MTSS1: variants seen among roughly 807,000 people sequenced by gnomAD.
MTSS1 encodes protein MTSS 1.
Under a neutral mutation model 79.0 loss-of-function variants are expected in MTSS1, and 18 were observed. The ratio of observed to expected loss-of-function variants is 0.23; its 90% confidence interval spans 0.16 to 0.34. The LOEUF is 0.34. Ranked by LOEUF, MTSS1 falls within the 10% of genes least tolerant of loss-of-function variation. MTSS1 has a pLI of 1.00. For synonymous variants in MTSS1, 341 were observed against 368.6 expected, an observed-to-expected ratio of 0.93 and a Z score of 0.86; for missense variants, 815 against 986.2, an observed-to-expected ratio of 0.83 and a Z score of 2.33.
chr8:124,650,529 C>G (rs1257348262), intron 3 of MTSS1, among the ~76,000 whole-genome samples: 4 of 152,004 alleles, frequency 2.6e-5, no homozygotes, highest in African/African-American at 9.7e-5. Context: ...GTTTCCTCGC[C>G]CTTCTCTCCG....
intron 6 of MTSS1, among the ~76,000 whole-genome samples, chr8:124,575,907 G>A (rs950787875): frequency 6.6e-6 from 1 of 152,120 alleles, no homozygotes; most frequent in Non-Finnish European, 1.5e-5. Context: ...ACCGGATCCA[G>A]AAATTTACCA....
At chr8:124,640,301 G>T (rs1817785582) in intron 3 of MTSS1, among the ~76,000 whole-genome samples, 1 of 152,150 alleles carries the variant, frequency 6.6e-6, no homozygotes. Context: ...AAAAAGTCGG[G>T]GTAGGAAAGG....
chr8:124,648,664 C>T (rs1819401140), intron 3 of MTSS1, among the ~76,000 whole-genome samples: 1 of 152,112 alleles, frequency 6.6e-6, no homozygotes, highest in Non-Finnish European at 1.5e-5. Context: ...CTACTCTCTC[C>T]TCTCAGGCTC....
chr8:124,603,803 T>C (rs990847686), intron 3 of MTSS1, among the ~76,000 whole-genome samples: 1 of 152,222 alleles, frequency 6.6e-6, no homozygotes. Context: ...TGATACCTTA[T>C]GTTAGCCTTG....
intron 3 of MTSS1, among the ~76,000 whole-genome samples, chr8:124,635,300 A>G (rs1023532433): frequency 6.6e-6 from 1 of 152,258 alleles, no homozygotes; most frequent in Non-Finnish European, 1.5e-5. Flanking sequence ...ACTCTAGATC[A>G]CCTTAGAGAA....
chr8:124,704,017 C>T (rs1368440813), intron 2 of MTSS1, 113 bp downstream of exon 2: 2 of 909,978 alleles, frequency 2.2e-6, no homozygotes, highest in Non-Finnish European at 3.5e-6. Flanking sequence ...ACAGGCTTCC[C>T]TATCTGCAGC....
At chr8:124,650,552 T>C (rs893333376) in intron 3 of MTSS1, among the ~76,000 whole-genome samples, 2 of 152,132 alleles carry the variant, frequency 1.3e-5, no homozygotes, top group African/African-American at 2.4e-5. Flanking sequence ...CCTTCCATTT[T>C]TACCCCATCT....
chr8:124,556,149 T>C (rs753405889), intron 12 of MTSS1, 83 bp downstream of exon 12: 2 of 1,597,736 alleles, frequency 1.3e-6, no homozygotes, highest in Non-Finnish European at 8.5e-7. Flanking sequence ...CAAGGCTGCC[T>C]TGGCCCCCCA....
At chr8:124,707,484 G>A (rs1830554744) in intron 1 of MTSS1, among the ~76,000 whole-genome samples, 1 of 152,008 alleles carries the variant, frequency 6.6e-6, no homozygotes, top group Admixed American at 6.6e-5. Flanking sequence ...TTAGGAGGCA[G>A]GTGGATGAGG....
Position 124,597,003 on chromosome 8 carries a change from T to C in MTSS1, c.209-5768A>G, listed in dbSNP as rs1184970448. On this transcript the variant is annotated intron_variant, in intron 3 of 13. Coordinates refer to ENST00000518547, the MANE Select transcript of MTSS1 (RefSeq NM_014751.6). This position sits in a 1 kb window ranked among gnomAD's most constrained non-coding sequence, Gnocchi z 4.6. ...AAGACCCTGTGTCCAAATGGTCACA[T>C]TCCCGGGCGCCAGGGATTAGGACAT... 6.6e-6 allele frequency among the ~76,000 whole-genome samples: 1 copy of C among 152,110 alleles called. No individual in the cohort carries two copies. Among genetic ancestry groups the C allele is most frequent in the African/African-American group, 2.4e-5 (1 of 41,422 alleles).
At chr8:124,642,376 C>T (rs73704157) in intron 3 of MTSS1, among the ~76,000 whole-genome samples, 3,814 of 152,248 alleles carry the variant, frequency 0.025, 150 homozygotes, top group African/African-American at 0.088. Flanking sequence ...AAAAACATCT[C>T]CATTTTCAAC....
chr8:124,721,732 G>A (rs892486099), intron 1 of MTSS1, among the ~76,000 whole-genome samples: 6 of 152,018 alleles, frequency 3.9e-5, no homozygotes, highest in African/African-American at 1.5e-4. Context: ...ACAGCTCAGT[G>A]ATTCTCAGCC....
chr8:124,552,086 A>G lies in MTSS1; in HGVS notation c.*906T>C, dbSNP rs1480178212. ...GTTTTCACATTTTTAAAACTGCCTT[A>G]CCCTTTTGGATGTATTTGGATTCCA... On this transcript the variant is annotated 3_prime_UTR_variant, in exon 14 of 14. Coordinates refer to ENST00000518547, the MANE Select transcript of MTSS1 (RefSeq NM_014751.6). 1 of 152,674 alleles carries G rather than the reference A, an allele frequency of 6.5e-6. No homozygotes were observed. The highest frequency in any genetic ancestry group is 1.5e-5 in the Non-Finnish European group (1 of 68,048). 9.5% of individuals were successfully genotyped at this position (152,674 alleles called of 1,614,324 possible).
rs536650529 is a variant in MTSS1 at position 124,568,471 on chromosome 8, A to G, written c.526T>C (p.Leu176=). Residue 176 remains leucine, a synonymous_variant, in exon 7 of 14, where the codon TTG becomes CTG. Transcript: ENST00000518547. ...ACAGCCTGCTTTTCTGTTTCTTCCAATAAGAGATACTTATCATTGACATCT... is the reference window on the plus strand; with the variant it reads ...ACAGCCTGCTTTTCTGTTTCTTCCAGTAAGAGATACTTATCATTGACATCT... ...LQDVNDKYLL[L]EETEKQAVRK... 5.0e-6 allele frequency: 8 copies of G among 1,614,124 alleles called. No homozygotes were observed. In the South Asian group the frequency reaches 7.7e-5, roughly 16 times the overall value.
chr8:124,716,160 AAGCCCCAAG>A (rs139913760), intron 1 of MTSS1, among the ~76,000 whole-genome samples: 3,538 of 152,234 alleles, frequency 0.023, 57 homozygotes, highest in Non-Finnish European at 0.038. Flanking sequence ...GCAGATCCCA[AAGCCCCAAG>A]GGCAGCATAC....
intron 3 of MTSS1, among the ~76,000 whole-genome samples, chr8:124,636,036 T>C (rs1816917609): frequency 6.6e-6 from 1 of 152,024 alleles, no homozygotes; most frequent in South Asian, 2.1e-4. Flanking sequence ...GGGTGCAGGG[T>C]GCATTCGACA....
intron 3 of MTSS1, among the ~76,000 whole-genome samples, chr8:124,629,171 G>A (rs1396775767): frequency 6.6e-6 from 1 of 152,194 alleles, no homozygotes; most frequent in African/African-American, 2.4e-5. Flanking sequence ...AGAAAACTAA[G>A]GCTCGAATTA....
intron 1 of MTSS1, among the ~76,000 whole-genome samples, chr8:124,706,206 G>T (rs2135507038): frequency 6.6e-6 from 1 of 152,280 alleles, no homozygotes; most frequent in East Asian, 1.9e-4. Flanking sequence ...GTCTGAAAAT[G>T]TACATAAGAG....
At chr8:124,580,992 T>C (rs1441184165) in intron 6 of MTSS1, among the ~76,000 whole-genome samples, 1 of 152,252 alleles carries the variant, frequency 6.6e-6, no homozygotes, top group Non-Finnish European at 1.5e-5. Flanking sequence ...TTAAAGAGTT[T>C]AAAATTGTAG....
Sources: allele counts gnomAD v4.1 joint callset (sites outside exome capture counted in the v4.1 genomes callset), GRCh38; gene constraint gnomAD v4.1.1; non-coding constraint Gnocchi (gnomAD v3.1); transcripts MANE v1.5; gene names NCBI Gene and HGNC (gene_info 2026-07-23, HGNC 2026-07-21).